The following CEACAM19 variants were observed in gnomAD, a reference collection of about 807,000 sequenced individuals.
The protein encoded by CEACAM19 is cell adhesion molecule CEACAM19.
Under a neutral mutation model 37.6 loss-of-function variants are expected in CEACAM19, and 37 were observed. The ratio of observed to expected loss-of-function variants is 0.98; its 90% CI spans 0.76 to 1.29. The LOEUF (loss-of-function observed/expected upper bound fraction) is 1.29. Ranked by LOEUF, CEACAM19 falls within the 50% of genes most tolerant of loss-of-function variation. The pLI is 0.00. For synonymous variants in CEACAM19, 140 were observed against 149.8 expected (o/e 0.93, Z 0.48); for missense variants, 340 against 375.6 (o/e 0.91, Z 0.78).
At position 44,681,209 on chromosome 19, in the gene CEACAM19, C is replaced by G; in HGVS notation, c.707-18C>G. 1 of 1,601,854 alleles carries G rather than the reference C, an allele frequency of 6.2e-7. No homozygotes were observed. Among genetic ancestry groups the G allele is most frequent in the Non-Finnish European group, 8.6e-7 (1 of 1,169,168 alleles). ...GGGCCCATGTGTCAGCTGGTACCTC[C>G]CCTGGCCTCTGTTTCAGGTGACAAC... On this transcript the variant is annotated intron_variant, in intron 5 of 7. Transcript: ENST00000358777.
chr19:44,683,361 C>A, intron 7 of CEACAM19, 76 bp from the exon 8 acceptor site: 1 of 633,542 alleles, frequency 1.6e-6, no homozygotes, highest in Non-Finnish European at 2.9e-6. Flanking sequence ...GTCTCTCATC[C>A]TCTGTCCCTC....
intron 4 of CEACAM19, among the ~76,000 whole-genome samples, chr19:44,679,151 C>T (rs62119325): frequency 2.0e-5 from 3 of 152,090 alleles, no homozygotes; most frequent in Non-Finnish European, 4.4e-5. Context: ...CACCACCACA[C>T]CTGGCTAATT....
chr19:44,668,012 T>TAATA (rs1261586506), upstream of CEACAM19, among the ~76,000 whole-genome samples: 83,039 of 83,088 alleles, frequency 1, 41,495 homozygotes, highest in Middle Eastern at 1. Flanking sequence ...TAGATTTATA[T>TAATA]TATTTATATA....
chr19:44,667,690 TATATA>T (rs1233896641), upstream of CEACAM19, among the ~76,000 whole-genome samples: 3 of 83,712 alleles, frequency 3.6e-5, no homozygotes, highest in Non-Finnish European at 4.2e-5. Context: ...TATATATAAA[TATATA>T]ATATATATTA....
intron 2 of CEACAM19, 57 bp downstream of exon 2, chr19:44,673,021 C>G (rs1973885179): frequency 1.5e-6 from 2 of 1,377,208 alleles, no homozygotes; most frequent in Non-Finnish European, 1.9e-6. Flanking sequence ...GAGCAGCTAC[C>G]ATGCACCAGG....
rs1599786143 is a variant in CEACAM19, at chr19:44,671,839, C to T, written c.-93C>T. 48 of 1,142,038 alleles carry T rather than the reference C, an allele frequency of 4.2e-5. 1 individual carries two copies. The East Asian group carries it at 1.2e-3, about 29-fold the overall frequency. The allele number at this position is 1,142,038 out of a possible 1,614,324, so 70.7% of individuals were successfully genotyped here. ...CTCTAAGGCACCCCTGGGATCCCCA[C>T]TGAGCTGGCCTACTTCAGACAGCCA... On this transcript the variant is annotated 5_prime_UTR_variant, in exon 1 of 8. Coordinates refer to ENST00000358777, the MANE Select transcript of CEACAM19 (RefSeq NM_001127893.3).
intron 5 of CEACAM19, 102 bp downstream of exon 5, chr19:44,680,436 C>G: frequency 9.4e-7 from 1 of 1,065,896 alleles, no homozygotes; most frequent in Non-Finnish European, 1.4e-6. Flanking sequence ...TCAGAGACCT[C>G]CCAATGCACC....
At chr19:44,681,984 G>A (rs1974069886) in intron 6 of CEACAM19, among the ~76,000 whole-genome samples, 1 of 151,960 alleles carries the variant, frequency 6.6e-6, no homozygotes, top group Non-Finnish European at 1.5e-5. Flanking sequence ...AGCTGGGCAT[G>A]ATGGCTCTAC....
upstream of CEACAM19, among the ~76,000 whole-genome samples, chr19:44,669,111 C>T (rs1055970654): frequency 2.0e-5 from 3 of 151,336 alleles, no homozygotes; most frequent in African/African-American, 4.9e-5. Context: ...TGAGCCACCA[C>T]GCCTGGCCTA....
chr19:44,668,192 T>C (rs1336876018), upstream of CEACAM19, among the ~76,000 whole-genome samples: 1 of 84,126 alleles, frequency 1.2e-5, no homozygotes, highest in Non-Finnish European at 2.0e-5. Flanking sequence ...ATAATATATT[T>C]TATATATTAT....
upstream of CEACAM19, among the ~76,000 whole-genome samples, chr19:44,667,967 T>C (rs1421082000): frequency 2.5e-5 from 2 of 79,774 alleles, no homozygotes; most frequent in Admixed American, 2.4e-4. Context: ...TCTATATAAA[T>C]ATATACTATA....
intron 2 of CEACAM19, among the ~76,000 whole-genome samples, chr19:44,675,382 A>C (rs7507412): frequency 1.3e-5 from 2 of 152,114 alleles, no homozygotes; most frequent in African/African-American, 4.8e-5. Context: ...AATTCTAGCA[A>C]GTCCAGTTTA....
At chr19:44,683,109 A>C in intron 7 of CEACAM19, 1 of 261,924 alleles carries the variant, frequency 3.8e-6, no homozygotes. Flanking sequence ...TGTCCTTTTT[A>C]ATCTGTCTTT....
intron 7 of CEACAM19, chr19:44,682,840 A>G (rs959415270): frequency 2.0e-6 from 1 of 507,380 alleles, no homozygotes; most frequent in South Asian, 2.5e-5. Flanking sequence ...TCTTTGCAAA[A>G]GGGATCCAAA....
At chr19:44,683,055 ACTCTCTCTCTCT>A (rs3028346) in intron 7 of CEACAM19, 3 of 150,850 alleles carry the variant, frequency 2.0e-5, no homozygotes, top group Non-Finnish European at 2.8e-5. Context: ...CCTTTCTTGG[ACTCTCTCTCTCT>A]CTCTCTCTCT....
chr19:44,676,291 A>G lies in CEACAM19; in HGVS notation c.445A>G (p.Ser149Gly), dbSNP rs760244702. Residue 149 changes from serine (S) to glycine (G), a missense_variant, in exon 3 of 8, where the codon AGT becomes GGT. Transcript: ENST00000358777. ...QVAEKNKELPSTHLPTNAGIL... is the reference protein window; with the variant it reads ...QVAEKNKELPGTHLPTNAGIL... ...CTCAGAAAAGAATAAGGAGCTGCCC[A>G]GTACACACCTGCCCACCAACGCTGG... is the stretch of plus-strand genomic sequence containing the variant. The G allele has an allele frequency of 6.2e-7, 1 of 1,614,156 alleles. No homozygotes were observed. The highest frequency in any genetic ancestry group is 1.3e-5 in the African/African-American group (1 of 75,040).
intron 6 of CEACAM19, among the ~76,000 whole-genome samples, chr19:44,681,719 C>T (rs1974063572): frequency 6.6e-6 from 1 of 152,094 alleles, no homozygotes; most frequent in Admixed American, 6.6e-5. Context: ...CACCTGAGGT[C>T]AGGAGTTTGA....
chr19:44,678,868 G>A lies in CEACAM19; in HGVS notation c.591G>A (p.Arg197=), dbSNP rs1372414914. 2 of 1,613,862 alleles carry A rather than the reference G, an allele frequency of 1.2e-6. No individual in the cohort carries two copies. The highest frequency in any genetic ancestry group is 1.3e-5 in the African/African-American group (1 of 75,006). The stretch of plus-strand genomic sequence containing the variant: ...TCCACCCTAGACTGCCTGCTCCGAG[G>A]GGCCAGGGATCTCTGTCCATCTTGT... ...RGQSHRLPAP[R]GQGSLSILCS... is the part of the protein sequence containing the mutation. The change falls in exon 4 of 8, where the codon AGG becomes AGA. Residue 197 remains arginine, a synonymous_variant. Transcript: ENST00000358777.
intron 4 of CEACAM19, 87 bp from the exon 5 acceptor site, chr19:44,680,201 G>A: frequency 1.8e-6 from 2 of 1,097,908 alleles, no homozygotes; most frequent in South Asian, 2.6e-5. Context: ...TCAGGGACCT[G>A]GTGGGATTTC....
Sources: allele counts gnomAD v4.1 joint callset (sites outside exome capture counted in the v4.1 genomes callset), GRCh38; gene constraint gnomAD v4.1.1; transcripts MANE v1.5; gene names NCBI Gene and HGNC (gene_info 2026-07-23, HGNC 2026-07-21).